LCN8: variants seen among roughly 807,000 people sequenced by gnomAD.
LCN8 encodes epididymal-specific lipocalin-8.
In LCN8, 16 loss-of-function variants were observed where a neutral mutation model predicts 22.8. The ratio of observed to expected loss-of-function variants is 0.70; its 90% CI spans 0.47 to 1.06. The LOEUF (loss-of-function observed/expected upper bound fraction) is 1.06, where lower values mean the gene tolerates loss of function less well. LCN8 is among the 50% of genes least tolerant of loss of function. LCN8 has a pLI of 0.00. For missense variants in LCN8, 189 were observed against 203.3 expected (o/e 0.93, Z 0.43); for synonymous variants, 92 against 83.4 (o/e 1.10, Z -0.56).
At chr9:136,754,646 C>T in intron 6 of LCN8, 137 bp from the exon 7 acceptor site, 2 of 1,441,290 alleles carry the variant, frequency 1.4e-6, no homozygotes. Context: ...TGAGCGCCTT[C>T]TCAATCTGCA....
chr9:136,758,074 C>T lies in LCN8; in HGVS notation c.-144G>A, dbSNP rs1215620845. 10 of 1,494,272 alleles carry T rather than the reference C, an allele frequency of 6.7e-6. No homozygotes were observed. The allele number at this position is 1,494,272 out of a possible 1,614,324, so 92.6% of individuals were successfully genotyped here. On this transcript the variant is annotated 5_prime_UTR_variant, in exon 1 of 7. Transcript: ENST00000371688. The stretch of plus-strand genomic sequence containing the variant: ...TATACGGACAGTGCAGGCTTGTGCG[C>T]CCACCCGGGAATGTCATCAGGACAG...
At chr9:136,754,714 T>G in intron 6 of LCN8, 2 of 1,407,472 alleles carry the variant, frequency 1.4e-6, no homozygotes, top group East Asian at 2.7e-5. Context: ...AGGGAGACAC[T>G]GGGTTCTCGC....
At chr9:136,756,066 G>C (rs1455635698) in intron 3 of LCN8, 2 of 1,291,198 alleles carry the variant, frequency 1.5e-6, no homozygotes, top group Admixed American at 4.7e-5. Flanking sequence ...GCGGGGAACA[G>C]TGCAGGGAGC....
chr9:136,754,828 C>T (rs767583078), intron 6 of LCN8: 12 of 1,349,722 alleles, frequency 8.9e-6, no homozygotes, highest in East Asian at 2.8e-5. Context: ...CACAGAACAC[C>T]GAAGAAAAGG....
rs1273344956 is a variant in LCN8, at chr9:136,758,163, C to A, written c.-233G>T. The A allele has an allele frequency of 1.4e-6, 2 of 1,430,580 alleles. No homozygotes were observed. Among genetic ancestry groups the A allele is most frequent in the Non-Finnish European group, 1.8e-6 (2 of 1,092,674 alleles). The allele number at this position is 1,430,580 out of a possible 1,614,324, so 88.6% of individuals were successfully genotyped here. On this transcript the variant is annotated 5_prime_UTR_variant, in exon 1 of 7. Coordinates refer to ENST00000371688, the MANE Select transcript of LCN8 (RefSeq NM_178469.4). ...AAGCGCCATCGGCCCTGGTGACACC[C>A]ACGCCCACCGCAGGGGTTAGCCTGG...
chr9:136,755,309 C>T lies in LCN8; in HGVS notation c.356G>A (p.Arg119Gln), dbSNP rs150773074. 7.7e-4 allele frequency: 1,239 copies of T among 1,610,350 alleles called. No homozygotes were observed. The highest frequency in any genetic ancestry group is 1.0e-3 in the Non-Finnish European group (1,191 of 1,180,004). The change falls in exon 5 of 7, where the codon CGG becomes CAG. Residue 119 changes from arginine to glutamine, a missense_variant. Transcript: ENST00000371688. The part of the protein sequence containing the change: ...YFTRSLEDKD[R>Q]LGFWKFRELT... The stretch of plus-strand genomic sequence containing the variant: ...CTCCCGAAACTTCCAGAACCCCAGC[C>T]GGTCCTTGTCCTCAAGGCTCCGAGC...
In LCN8 at chr9:136,757,950, C is replaced by T. The variant is rs781087946; in HGVS notation, c.-20G>A. 3.1e-6 allele frequency: 5 copies of T among 1,612,858 alleles called. No homozygotes were observed. The highest frequency in any genetic ancestry group is 1.7e-5 in the Admixed American group (1 of 60,014). On this transcript the variant is annotated 5_prime_UTR_variant, in exon 1 of 7. Coordinates refer to ENST00000371688, the MANE Select transcript of LCN8 (RefSeq NM_178469.4). The stretch of plus-strand genomic sequence containing the variant: ...CTCCATGGCTGCTGCCACCTGCGCC[C>T]GGAGCACCACGAGGACACCCAGGAT...
At chr9:136,755,040 C>A (rs879468) in intron 6 of LCN8, 95 bp downstream of exon 6, 25 of 1,445,192 alleles carry the variant, frequency 1.7e-5, no homozygotes, top group Non-Finnish European at 2.3e-5. Context: ...AGCCCAGGGC[C>A]GGGAGGCGGA....
intron 2 of LCN8, 45 bp from the exon 3 acceptor site, chr9:136,756,637 C>T (rs751564085): frequency 1.2e-6 from 2 of 1,604,044 alleles, no homozygotes; most frequent in Admixed American, 1.7e-5. Context: ...TAGCCTGTGT[C>T]CCGCCTGCTG....
chr9:136,757,140 A>G lies in LCN8; in HGVS notation c.53T>C (p.Val18Ala), dbSNP rs751885400. The change falls in exon 2 of 7, where the codon GTG becomes GCG. Residue 18 changes from valine to alanine, a missense_variant. Val to Ala is a moderately conservative substitution (Grantham distance 64, BLOSUM62 0). Transcript: ENST00000371688. ...CAGCACCAGGCTTTGATCGGAGGCC[A>G]CACCGACTTCCCTCCAGAATCCTCC... ...KIGGFWREVGVASDQSLVLTA... is the reference protein window; with the variant it reads ...KIGGFWREVGAASDQSLVLTA... The G allele has an allele frequency of 1.4e-5, 22 of 1,613,016 alleles. No homozygotes were observed. The highest frequency in any genetic ancestry group is 1.7e-6 in the Non-Finnish European group (2 of 1,179,680).
chr9:136,755,164 C>A lies in LCN8; in HGVS notation c.422-4G>T, dbSNP rs750430413. The A allele has an allele frequency of 1.9e-6, 3 of 1,600,102 alleles. No individual in the cohort carries two copies. The highest frequency in any genetic ancestry group is 1.1e-5 in the South Asian group (1 of 89,586). On this transcript the variant is annotated splice_region_variant and splice_polypyrimidine_tract_variant and intron_variant, in intron 5 of 6. Transcript: ENST00000371688. ...TTCAGGAGCTCGGCACACCGCCCTG[C>A]AGGATAGGCCAGCATGAGGAGCTGC...
At chr9:136,757,372 C>A in intron 1 of LCN8, 1 of 1,431,068 alleles carries the variant, frequency 7.0e-7, no homozygotes, top group Non-Finnish European at 9.1e-7. Flanking sequence ...GGCCATCAGA[C>A]AGCAATGCCC....
Position 136,757,079 on chromosome 9 carries a change from G to A in LCN8, c.114C>T (p.Thr38=), listed in dbSNP as rs1446545328. 6.2e-7 allele frequency: 1 copy of A among 1,613,576 alleles called. No individual in the cohort carries two copies. The highest frequency in any genetic ancestry group is 1.7e-5 in the Admixed American group (1 of 59,974). The change falls in exon 2 of 7, where the codon ACC becomes ACT. Residue 38 remains threonine, a synonymous_variant. Transcript: ENST00000371688. ...APKRVEGLFL[T]LSGSNLTVKV... is the part of the protein sequence containing the mutation. ...TCACGGTCAGGTTACTCCCGCTCAA[G>A]GTGAGGAACAAGCCCTCCACCCGCT...
At chr9:136,757,429 C>G (rs1175068950) in intron 1 of LCN8, 1 of 1,403,656 alleles carries the variant, frequency 7.1e-7, no homozygotes, top group African/African-American at 1.4e-5. Flanking sequence ...GCGGAACAGT[C>G]CCTAGGGCTT....
At chr9:136,756,473 T>C in intron 3 of LCN8, 49 bp downstream of exon 3, 1 of 1,613,996 alleles carries the variant, frequency 6.2e-7, no homozygotes, top group Non-Finnish European at 8.5e-7. Context: ...AAGGCCTAGC[T>C]GTGTGCACAG....
At position 136,758,209 on chromosome 9, in the gene LCN8, G is replaced by C; in HGVS notation, c.-279C>G. On this transcript the variant is annotated 5_prime_UTR_variant, in exon 1 of 7. Coordinates refer to ENST00000371688, the MANE Select transcript of LCN8 (RefSeq NM_178469.4). ...CCTGGCCTAGACAGCAGCCTGCCCA[G>C]CCACCCTCCTGGCATATGGACAGCG... The C allele has an allele frequency of 7.2e-7, 1 of 1,380,542 alleles. No individual in the cohort carries two copies. The highest frequency in any genetic ancestry group is 9.4e-7 in the Non-Finnish European group (1 of 1,066,216). The allele number at this position is 1,380,542 out of a possible 1,614,324, so 85.5% of individuals were successfully genotyped here. A position where few individuals can be genotyped will look rare whatever the true frequency, so the allele number is the denominator to read the frequency against.
chr9:136,756,331 G>A (rs1431181190), intron 3 of LCN8, 191 bp downstream of exon 3: 5 of 1,540,258 alleles, frequency 3.2e-6, no homozygotes, highest in Non-Finnish European at 4.3e-6. Flanking sequence ...AGGGAGCAGT[G>A]CAGGGAACAA....
chr9:136,757,637 C>T, intron 1 of LCN8: 1 of 1,418,816 alleles, frequency 7.0e-7, no homozygotes. Context: ...CCGCCCAGAG[C>T]CGGGACTTCC....
At position 136,756,565 on chromosome 9, in the gene LCN8, G is replaced by A. The variant is rs115713882; in HGVS notation, c.183C>T (p.Ile61=). The change falls in exon 3 of 7, where the codon ATC becomes ATT. Residue 61 remains isoleucine, a synonymous_variant. Coordinates refer to ENST00000371688, the MANE Select transcript of LCN8 (RefSeq NM_178469.4). The part of the protein sequence containing the change: ...NSSGSCEIEK[I]VGSEIDSTGK... ...CCGTACTGTCTATTTCTGAGCCCAC[G>A]ATCTTCTCTATCTCACAGCTTCCTG... 541 of 1,613,962 alleles carry A rather than the reference G, an allele frequency of 3.4e-4. 1 individual carries two copies. In the African/African-American group the frequency reaches 5.5e-3, roughly 16 times the overall value.
Sources: allele counts gnomAD v4.1 joint callset, GRCh38; gene constraint gnomAD v4.1.1; transcripts MANE v1.5; gene names NCBI Gene and HGNC (gene_info 2026-07-23, HGNC 2026-07-21).